CHCHD3: variants seen among roughly 807,000 people sequenced by gnomAD.
CHCHD3 encodes MICOS complex subunit MIC19.
A neutral mutation model predicts 38.2 loss-of-function variants in CHCHD3; 20 were observed. The observed-to-expected ratio is 0.52, with a 90% confidence interval of 0.37 to 0.76. CHCHD3 has a LOEUF of 0.76. Ranked by LOEUF, CHCHD3 falls within the 30% of genes least tolerant of loss-of-function variation. The pLI is 0.00. For missense variants in CHCHD3, 245 were observed against 279.2 expected (o/e 0.88, Z 0.87); for synonymous variants, 82 against 100.0 (o/e 0.82, Z 1.07).
chr7:133,006,119 T>C (rs559343493), intron 3 of CHCHD3, among the ~76,000 whole-genome samples: 4 of 152,248 alleles, frequency 2.6e-5, no homozygotes, highest in South Asian at 2.1e-4. Context: ...TAAACTCCCA[T>C]AGTACTAACA....
intron 4 of CHCHD3, among the ~76,000 whole-genome samples, chr7:132,909,882 T>G (rs779004825): frequency 2.6e-5 from 4 of 152,202 alleles, no homozygotes; most frequent in Non-Finnish European, 5.9e-5. Flanking sequence ...ACAGAGAAAC[T>G]CCTATGCATG....
In CHCHD3 at chr7:132,785,472, C is replaced by A; in HGVS notation, c.*165G>T. 1 of 689,702 alleles carries A rather than the reference C, an allele frequency of 1.4e-6. No individual in the cohort carries two copies. Among genetic ancestry groups the A allele is most frequent in the Non-Finnish European group, 2.5e-6 (1 of 394,668 alleles). 42.7% of individuals were successfully genotyped at this position (689,702 alleles called of 1,614,324 possible). ...AAGGCTTTGGCCCTTCAAACTGCTG[C>A]TGTTCAAAACGTGAAATGATTCTGC... is the stretch of plus-strand genomic sequence containing the variant. On this transcript the variant is annotated 3_prime_UTR_variant, in exon 8 of 8. Transcript: ENST00000262570.
At chr7:133,037,005 ATAAG>A (rs990037515) in intron 2 of CHCHD3, among the ~76,000 whole-genome samples, 5 of 152,228 alleles carry the variant, frequency 3.3e-5, no homozygotes, top group African/African-American at 1.2e-4. Flanking sequence ...TCCAGGTTCA[ATAAG>A]TATTTTAGCT....
intron 6 of CHCHD3, among the ~76,000 whole-genome samples, chr7:132,809,660 A>T (rs1372721703): frequency 6.6e-6 from 1 of 152,198 alleles, no homozygotes. Flanking sequence ...CTGGCCTCAA[A>T]GTGAAGGACA....
chr7:132,886,659 T>C (rs1206621959), intron 4 of CHCHD3, among the ~76,000 whole-genome samples: 1 of 151,378 alleles, frequency 6.6e-6, no homozygotes, highest in East Asian at 1.9e-4. Flanking sequence ...TATGTATATA[T>C]GTGTGTATAT....
intron 3 of CHCHD3, among the ~76,000 whole-genome samples, chr7:133,016,884 A>G (rs1293998351): frequency 1.3e-5 from 2 of 152,232 alleles, no homozygotes; most frequent in Non-Finnish European, 2.9e-5. Context: ...TATGTGGACC[A>G]CTGCCCATAA....
chr7:132,870,046 A>G (rs1187795528), intron 5 of CHCHD3, among the ~76,000 whole-genome samples: 1 of 151,998 alleles, frequency 6.6e-6, no homozygotes, highest in Non-Finnish European at 1.5e-5. Context: ...ATTCAATATA[A>G]CATTTCAATA....
chr7:132,898,599 G>T (rs1237097192), intron 4 of CHCHD3, among the ~76,000 whole-genome samples: 1 of 151,872 alleles, frequency 6.6e-6, no homozygotes, highest in Non-Finnish European at 1.5e-5. Context: ...CCCGCGCCGT[G>T]CGCCCGCACT....
intron 2 of CHCHD3, among the ~76,000 whole-genome samples, chr7:133,031,928 AT>A (rs1482135060): frequency 2.0e-5 from 3 of 152,202 alleles, no homozygotes; most frequent in Admixed American, 6.5e-5. Flanking sequence ...CAATAAATTC[AT>A]TAAAATGAAG....
intron 2 of CHCHD3, among the ~76,000 whole-genome samples, chr7:133,060,608 G>A (rs548300583): frequency 8.5e-5 from 13 of 152,194 alleles, no homozygotes; most frequent in Admixed American, 2.6e-4. Context: ...GGAACAACAC[G>A]GTCAAAAACC....
At chr7:132,860,144 G>A (rs141296922) in intron 5 of CHCHD3, among the ~76,000 whole-genome samples, 65 of 152,026 alleles carry the variant, frequency 4.3e-4, no homozygotes, top group Middle Eastern at 6.8e-3. Context: ...GTGATGGCGC[G>A]CATCTGTAGT....
At chr7:132,877,575 C>T (rs1808943829) in intron 5 of CHCHD3, among the ~76,000 whole-genome samples, 1 of 152,156 alleles carries the variant, frequency 6.6e-6, no homozygotes, top group African/African-American at 2.4e-5. Context: ...CTTAAACTAT[C>T]ATTACTTGTT....
chr7:133,063,933 A>G (rs749124372), intron 2 of CHCHD3, among the ~76,000 whole-genome samples: 5 of 152,030 alleles, frequency 3.3e-5, no homozygotes, highest in Non-Finnish European at 5.9e-5. Context: ...CCCCCCTCCC[A>G]TCCCTCTTAG....
At chr7:132,934,877 T>G (rs1810599381) in intron 4 of CHCHD3, among the ~76,000 whole-genome samples, 1 of 152,206 alleles carries the variant, frequency 6.6e-6, no homozygotes, top group African/African-American at 2.4e-5. Context: ...AATTTCTATT[T>G]ATAACACATT....
chr7:132,810,759 AG>A (rs1235614778), intron 6 of CHCHD3, among the ~76,000 whole-genome samples: 1 of 152,194 alleles, frequency 6.6e-6, no homozygotes, highest in African/African-American at 2.4e-5. Flanking sequence ...CATCTCCCTA[AG>A]GGTTCCAATT....
At chr7:132,893,100 CCT>C (rs1809408306) in intron 4 of CHCHD3, among the ~76,000 whole-genome samples, 1 of 152,172 alleles carries the variant, frequency 6.6e-6, no homozygotes, top group African/African-American at 2.4e-5. Flanking sequence ...GCACAGTGCA[CCT>C]GGAAACGTCA....
intron 4 of CHCHD3, among the ~76,000 whole-genome samples, chr7:132,896,652 C>T (rs186559233): frequency 4.9e-4 from 75 of 152,274 alleles, no homozygotes; most frequent in African/African-American, 1.7e-3. Flanking sequence ...CTAACACAAG[C>T]AGTCTTATCT....
intron 4 of CHCHD3, among the ~76,000 whole-genome samples, chr7:132,946,417 T>C (rs952678066): frequency 1.3e-4 from 19 of 151,912 alleles, no homozygotes; most frequent in African/African-American, 4.6e-4. Context: ...GGAACATAAC[T>C]GAGAAGAGCT....
chr7:132,985,664 A>C (rs868515804), intron 3 of CHCHD3, among the ~76,000 whole-genome samples: 4 of 29,406 alleles, frequency 1.4e-4, no homozygotes, highest in Admixed American at 4.3e-4. Flanking sequence ...CAGCCGCCCC[A>C]TCCGGGAGGG....
Sources: allele counts gnomAD v4.1 joint callset (sites outside exome capture counted in the v4.1 genomes callset), GRCh38; gene constraint gnomAD v4.1.1; transcripts MANE v1.5; gene names NCBI Gene and HGNC (gene_info 2026-07-23, HGNC 2026-07-21).